Variants in STIM1 observed in about 807,000 individuals in gnomAD.
The protein encoded by STIM1 is stromal interaction molecule 1.
Under a neutral mutation model 74.7 loss-of-function variants are expected in STIM1, and 25 were observed. The ratio of observed to expected loss-of-function variants is 0.33; its 90% CI spans 0.24 to 0.47. STIM1 has a LOEUF of 0.47. Ranked by LOEUF, STIM1 falls within the 20% of genes least tolerant of loss-of-function variation. The pLI is 1.00. For missense variants in STIM1, 728 were observed against 920.8 expected (o/e 0.79, Z 2.71); for synonymous variants, 328 against 348.8 (o/e 0.94, Z 0.66).
chr11:4,074,619 G>A lies in STIM1; in HGVS notation c.909G>A (p.Leu303=), dbSNP rs1402539076. 1.9e-6 allele frequency: 3 copies of A among 1,607,748 alleles called. No individual in the cohort carries two copies. The East Asian group carries it at 6.7e-5, about 36-fold the overall frequency. ...AKQEAQRLKE[L]REGTENERSR... ...AGGAAGCCCAGCGGCTGAAGGAGCT[G>A]CGGGAGGGTACTGAGAATGAGCGGA... The change falls in exon 7 of 13, where the codon CTG becomes CTA. Residue 303 remains leucine, a synonymous_variant. Transcript: ENST00000526596.
intron 2 of STIM1, among the ~76,000 whole-genome samples, chr11:3,968,489 G>T (rs2093361325): frequency 6.6e-6 from 1 of 152,164 alleles, no homozygotes; most frequent in Non-Finnish European, 1.5e-5. Context: ...ATCCCACATT[G>T]TCAGATCCAA....
At chr11:3,944,946 T>C (rs748918979) in intron 1 of STIM1, among the ~76,000 whole-genome samples, 5 of 152,246 alleles carry the variant, frequency 3.3e-5, no homozygotes, top group African/African-American at 7.2e-5. Flanking sequence ...CCTCATTATA[T>C]AATACGGGTG....
At chr11:4,059,680 A>G (rs1317931871) in intron 5 of STIM1, among the ~76,000 whole-genome samples, 1 of 152,222 alleles carries the variant, frequency 6.6e-6, no homozygotes, top group South Asian at 2.1e-4. Context: ...AAGGGACAAC[A>G]TGAGTGTTCT....
intron 1 of STIM1, among the ~76,000 whole-genome samples, chr11:3,888,656 G>A (rs753653513): frequency 2.6e-5 from 4 of 152,040 alleles, no homozygotes; most frequent in Non-Finnish European, 4.4e-5. Context: ...TCCTGCCTAA[G>A]CCTGGAGATT....
chr11:3,924,867 T>C (rs1323209638), intron 1 of STIM1, among the ~76,000 whole-genome samples: 1 of 152,230 alleles, frequency 6.6e-6, no homozygotes, highest in Non-Finnish European at 1.5e-5. Context: ...AGGATATTTC[T>C]TCTCTTGTAC....
At chr11:4,026,584 G>T (rs1424274230) in intron 3 of STIM1, among the ~76,000 whole-genome samples, 1 of 152,170 alleles carries the variant, frequency 6.6e-6, no homozygotes, top group East Asian at 1.9e-4. Context: ...CAGGTCACCT[G>T]CACTTCTGAC....
At chr11:4,049,313 A>T (rs1366266750) in intron 3 of STIM1, among the ~76,000 whole-genome samples, 2 of 149,478 alleles carry the variant, frequency 1.3e-5, no homozygotes, top group African/African-American at 4.9e-5. Context: ...GGCTTAAATT[A>T]TATCAGCTGG....
intron 3 of STIM1, among the ~76,000 whole-genome samples, chr11:4,051,286 T>C (rs552242433): frequency 2.6e-5 from 4 of 152,312 alleles, no homozygotes; most frequent in Non-Finnish European, 5.9e-5. Flanking sequence ...TTTTGCTTTT[T>C]ACTTTTAGCT....
chr11:3,964,331 G>T (rs1183498959), intron 1 of STIM1, among the ~76,000 whole-genome samples: 1 of 152,202 alleles, frequency 6.6e-6, no homozygotes, highest in Non-Finnish European at 1.5e-5. Context: ...GGACATGCTT[G>T]GTTGAAGGAA....
chr11:3,895,681 TCC>T (rs202028124), intron 1 of STIM1, among the ~76,000 whole-genome samples: 8 of 32,692 alleles, frequency 2.4e-4, no homozygotes, highest in African/African-American at 9.2e-4. Flanking sequence ...TTTCCTTCCT[TCC>T]TTCTTTCTTT....
intron 1 of STIM1, among the ~76,000 whole-genome samples, chr11:3,932,161 C>T (rs1207900371): frequency 6.6e-6 from 1 of 152,186 alleles, no homozygotes; most frequent in African/African-American, 2.4e-5. Flanking sequence ...GTCCAGCCCA[C>T]CACCACTGGA....
At position 4,086,220 on chromosome 11, in the gene STIM1, C is replaced by G. The variant is rs190863308; in HGVS notation, c.1568-257C>G. On this transcript the variant is annotated intron_variant, in intron 11 of 12. Coordinates refer to ENST00000526596, the MANE Select transcript of STIM1 (RefSeq NM_001382567.1). ...TGTCTACCCACTAACTGCCTTGCCA[C>G]TTCCCTTTATAGTGATATTGCCCAT... 251 of 548,782 alleles carry G rather than the reference C, an allele frequency of 4.6e-4. 1 individual carries two copies. The highest frequency in any genetic ancestry group is 1.5e-3 in the Middle Eastern group (3 of 2,038). The allele number at this position is 548,782 out of a possible 1,614,324, so 34.0% of individuals were successfully genotyped here. A position where few individuals can be genotyped will look rare whatever the true frequency, so the allele number is the denominator to read the frequency against.
At chr11:4,042,769 C>T (rs543861036) in intron 3 of STIM1, among the ~76,000 whole-genome samples, 1 of 152,168 alleles carries the variant, frequency 6.6e-6, no homozygotes, top group Non-Finnish European at 1.5e-5. Flanking sequence ...GCATCTCTGT[C>T]CATCCAGATT....
chr11:3,963,949 G>C (rs575104536), intron 1 of STIM1, among the ~76,000 whole-genome samples: 3 of 152,328 alleles, frequency 2.0e-5, no homozygotes, highest in Admixed American at 2.0e-4. Context: ...CTGTTTACTT[G>C]CTGCTCTGGG....
chr11:3,924,137 A>ATT lies in STIM1; in HGVS notation c.140-43405_140-43404dup, dbSNP rs201521624. ...CTGGCCTATTTAGAACTTTAAAATT[A>ATT]TTTTTTTTTTTCTGTAAGTCTGTAA... On this transcript the variant is annotated intron_variant, in intron 1 of 12. Coordinates refer to ENST00000526596, the MANE Select transcript of STIM1 (RefSeq NM_001382567.1). 5.6e-3 allele frequency among the ~76,000 whole-genome samples: 770 copies of ATT among 138,700 alleles called. 10 individuals are homozygous for ATT. Among genetic ancestry groups the ATT allele is most frequent in the African/African-American group, 0.02 (737 of 36,526 alleles). 91.0% of individuals were successfully genotyped at this position (138,700 alleles called of 152,430 possible).
intron 12 of STIM1, among the ~76,000 whole-genome samples, chr11:4,090,456 T>C (rs2094517520): frequency 6.6e-6 from 1 of 152,234 alleles, no homozygotes; most frequent in Non-Finnish European, 1.5e-5. Context: ...TGGTTTGAAC[T>C]CTGCAATACC....
intron 1 of STIM1, among the ~76,000 whole-genome samples, chr11:3,889,984 T>A (rs2091846809): frequency 6.6e-6 from 1 of 152,214 alleles, no homozygotes; most frequent in Non-Finnish European, 1.5e-5. Flanking sequence ...ACTTTTACTC[T>A]GAGACTTCAA....
At chr11:3,985,833 C>G (rs1379320535) in intron 2 of STIM1, among the ~76,000 whole-genome samples, 2 of 152,164 alleles carry the variant, frequency 1.3e-5, no homozygotes, top group Admixed American at 1.3e-4. Flanking sequence ...TTTTTCAAGT[C>G]CTTCTGTGCA....
intron 1 of STIM1, among the ~76,000 whole-genome samples, chr11:3,908,497 A>T (rs890478240): frequency 3.3e-5 from 5 of 151,990 alleles, no homozygotes; most frequent in African/African-American, 9.7e-5. Context: ...CTGTAGTCCC[A>T]GCTACCTGGG....
Sources: gnomAD v4.1 joint callset for allele counts (sites outside exome capture counted in the v4.1 genomes callset) on GRCh38, gnomAD v4.1.1 for gene constraint, MANE v1.5 for transcripts, NCBI Gene and HGNC (gene_info 2026-07-23, HGNC 2026-07-21) for gene names.